CHMP4B: variants seen among roughly 807,000 people sequenced by gnomAD.
CHMP4B encodes SNF7 homolog associated with Alix 1.
CHMP4B carries 1 observed loss-of-function variant against 25.1 expected under a neutral mutation model. The ratio of observed to expected loss-of-function variants is 0.04; its 90% CI spans 0.01 to 0.19. The LOEUF (loss-of-function observed/expected upper bound fraction) is 0.19. Among genes scored for constraint, CHMP4B ranks in the 10% least tolerant of loss-of-function variants. The probability of loss-of-function intolerance (pLI) is 1.00; values close to 1 mark genes in which losing one functional copy is unlikely to be tolerated. For missense variants in CHMP4B, 151 were observed against 289.7 expected (o/e 0.52, Z 3.48); for synonymous variants, 101 against 115.6 (o/e 0.87, Z 0.81).
At chr20:33,828,020 G>A (rs749016484) in intron 1 of CHMP4B, among the ~76,000 whole-genome samples, 13 of 152,182 alleles carry the variant, frequency 8.5e-5, no homozygotes, top group Non-Finnish European at 1.5e-4. Context: ...CATAAGTCCT[G>A]GCTCCATCAT....
intron 1 of CHMP4B, among the ~76,000 whole-genome samples, chr20:33,841,735 C>G (rs79555215): frequency 0.029 from 4,362 of 152,200 alleles, 207 homozygotes; most frequent in African/African-American, 0.099. Flanking sequence ...TTTTTCCCCC[C>G]CTTCTATCTG....
Position 33,845,258 on chromosome 20 carries a change from C to T in CHMP4B, c.191-3209C>T, listed in dbSNP as rs377613303. On this transcript the variant is annotated intron_variant, in intron 1 of 4. Transcript: ENST00000217402. ...CTGGATGATTAAATGAAATAGGAGG[C>T]GGAAGGGACTGCCGTTGCTTGTTCA... is the stretch of plus-strand genomic sequence containing the variant. 3.0e-4 allele frequency among the ~76,000 whole-genome samples: 45 copies of T among 152,162 alleles called. No individual in the cohort carries two copies. The East Asian group carries it at 3.7e-3, about 12-fold the overall frequency.
At chr20:33,841,989 G>A (rs1196389711) in intron 1 of CHMP4B, among the ~76,000 whole-genome samples, 1 of 152,112 alleles carries the variant, frequency 6.6e-6, no homozygotes, top group African/African-American at 2.4e-5. Flanking sequence ...TTCTTTCTCT[G>A]TCTCACTGTG....
intron 1 of CHMP4B, among the ~76,000 whole-genome samples, chr20:33,840,312 G>A (rs1979502381): frequency 6.6e-6 from 1 of 152,014 alleles, no homozygotes; most frequent in African/African-American, 2.4e-5. Flanking sequence ...GACAATGTTG[G>A]ACACAGGCAA....
intron 1 of CHMP4B, among the ~76,000 whole-genome samples, chr20:33,832,261 G>A (rs982414489): frequency 2.0e-5 from 3 of 152,122 alleles, no homozygotes; most frequent in Admixed American, 6.6e-5. Context: ...AAAGCCAGTC[G>A]GAAAAGAAAG....
chr20:33,841,972 G>C (rs12233268), intron 1 of CHMP4B, among the ~76,000 whole-genome samples: 1 of 152,260 alleles, frequency 6.6e-6, no homozygotes, highest in Admixed American at 6.5e-5. Context: ...CTGGGTACTA[G>C]TCCTGGTTCT....
At chr20:33,848,708 C>T in intron 2 of CHMP4B, 64 bp downstream of exon 2, 4 of 1,569,340 alleles carry the variant, frequency 2.5e-6, no homozygotes, top group Non-Finnish European at 3.5e-6. Context: ...CGTACCCAGG[C>T]CATGGCCTTG....
intron 1 of CHMP4B, among the ~76,000 whole-genome samples, chr20:33,828,573 C>T (rs1214933246): frequency 2.0e-5 from 3 of 152,134 alleles, no homozygotes; most frequent in East Asian, 3.9e-4. Flanking sequence ...GCCTACATTT[C>T]TGACTCTCTG....
intron 1 of CHMP4B, among the ~76,000 whole-genome samples, chr20:33,833,403 G>T (rs995936368): frequency 6.6e-6 from 1 of 152,084 alleles, no homozygotes; most frequent in Admixed American, 6.6e-5. Flanking sequence ...TTCCCTCTTG[G>T]TATCTCTCAA....
At chr20:33,813,074 AGAAT>A (rs1384666974) in intron 1 of CHMP4B, among the ~76,000 whole-genome samples, 2 of 151,780 alleles carry the variant, frequency 1.3e-5, no homozygotes, top group Non-Finnish European at 2.9e-5. Flanking sequence ...CACTTTGGAT[AGAAT>A]GGTCAGGGAA....
intron 1 of CHMP4B, among the ~76,000 whole-genome samples, chr20:33,846,182 C>T (rs1362429520): frequency 6.6e-6 from 1 of 152,146 alleles, no homozygotes; most frequent in Admixed American, 6.5e-5. Context: ...TTTGGGGTTC[C>T]ATACCTGGTT....
intron 4 of CHMP4B, among the ~76,000 whole-genome samples, 194 bp downstream of exon 4, chr20:33,852,397 T>C (rs1189353152): frequency 6.6e-6 from 1 of 151,842 alleles, no homozygotes; most frequent in Non-Finnish European, 1.5e-5. Flanking sequence ...ACCTGGCTTT[T>C]TCTGGTTTCT....
intron 1 of CHMP4B, among the ~76,000 whole-genome samples, chr20:33,823,139 T>A (rs181284056): frequency 2.1e-3 from 323 of 151,216 alleles, no homozygotes; most frequent in African/African-American, 4.3e-3. Context: ...AAAGAAAAAT[T>A]TTTTTTTTTT....
chr20:33,832,956 A>T (rs972682386), intron 1 of CHMP4B, among the ~76,000 whole-genome samples: 47 of 147,662 alleles, frequency 3.2e-4, no homozygotes, highest in Admixed American at 8.7e-4. Flanking sequence ...TTAAAAAAAA[A>T]TTTTTTTTTT....
At chr20:33,844,231 T>G (rs534443304) in intron 1 of CHMP4B, among the ~76,000 whole-genome samples, 32 of 152,356 alleles carry the variant, frequency 2.1e-4, no homozygotes, top group Admixed American at 3.3e-4. Context: ...CTAGCCTGTG[T>G]TTCAGTAAGA....
At chr20:33,839,865 C>T (rs1423551421) in intron 1 of CHMP4B, among the ~76,000 whole-genome samples, 2 of 152,212 alleles carry the variant, frequency 1.3e-5, no homozygotes, top group Non-Finnish European at 2.9e-5. Flanking sequence ...CTTTGAGCCT[C>T]AATACCCTGG....
At chr20:33,847,483 A>C (rs955020093) in intron 1 of CHMP4B, among the ~76,000 whole-genome samples, 1 of 152,118 alleles carries the variant, frequency 6.6e-6, no homozygotes, top group African/African-American at 2.4e-5. Context: ...TGAAGAGTGG[A>C]ACTGAGACCG....
At chr20:33,823,829 C>T (rs369048078) in intron 1 of CHMP4B, among the ~76,000 whole-genome samples, 3 of 152,230 alleles carry the variant, frequency 2.0e-5, no homozygotes, top group East Asian at 3.9e-4. Context: ...TGTGAGCCAC[C>T]GCACCCAGCC....
intron 1 of CHMP4B, among the ~76,000 whole-genome samples, chr20:33,814,457 G>C (rs115234980): frequency 2.6e-5 from 4 of 152,146 alleles, no homozygotes; most frequent in Admixed American, 6.6e-5. Flanking sequence ...CACCTGTTTG[G>C]GGGGAAGGAT....
Sources: allele counts gnomAD v4.1 joint callset (sites outside exome capture counted in the v4.1 genomes callset), GRCh38; gene constraint gnomAD v4.1.1; transcripts MANE v1.5; gene names NCBI Gene and HGNC (gene_info 2026-07-23, HGNC 2026-07-21).